COMMD1: variants seen among roughly 807,000 people sequenced by gnomAD.
COMMD1 encodes copper metabolism domain containing 1.
In COMMD1, 10 loss-of-function variants were observed where a neutral mutation model predicts 17.2. The ratio of observed to expected loss-of-function variants is 0.58; its 90% confidence interval spans 0.36 to 0.99. COMMD1 has a LOEUF of 0.99. COMMD1 is among the 50% of genes least tolerant of loss of function. The pLI is 0.01. For missense variants in COMMD1, 270 were observed against 231.8 expected (o/e 1.17, Z -1.07); for synonymous variants, 97 against 91.6 (o/e 1.06, Z -0.34).
At chr2:61,987,489 A>G (rs879644976) in intron 1 of COMMD1, among the ~76,000 whole-genome samples, 3 of 152,126 alleles carry the variant, frequency 2.0e-5, no homozygotes, top group East Asian at 1.9e-4. Flanking sequence ...AATTCTTTCT[A>G]TTGCCAGGCA....
chr2:61,905,962 T>G, intron 1 of COMMD1, 104 bp downstream of exon 1: 2 of 1,193,100 alleles, frequency 1.7e-6, no homozygotes, highest in Non-Finnish European at 2.5e-6. Flanking sequence ...GCCGAAAGGC[T>G]TTTCCCTCTC....
At chr2:62,133,767 C>A (rs1006140100) in intron 2 of COMMD1, among the ~76,000 whole-genome samples, 1 of 151,966 alleles carries the variant, frequency 6.6e-6, no homozygotes, top group Non-Finnish European at 1.5e-5. Flanking sequence ...ATGGTGTCAG[C>A]TTTCCATCTT....
In COMMD1 at chr2:61,979,711, C is replaced by T. The variant is rs183902252; in HGVS notation, c.181-20990C>T. Among the ~76,000 whole-genome samples, 7 of 152,116 alleles carry T rather than the reference C, an allele frequency of 4.6e-5. 1 individual carries two copies. Among genetic ancestry groups the T allele is most frequent in the Middle Eastern group, 3.4e-3 (1 of 294 alleles). On this transcript the variant is annotated intron_variant, in intron 1 of 2. Coordinates refer to ENST00000311832, the MANE Select transcript of COMMD1 (RefSeq NM_152516.4). ...GGTTCCCTTTTCTCTGTATCCTCAC[C>T]AGAATTTGTTATTGCCTGTCTTTTG...
At chr2:61,918,860 C>G (rs1470441138) in intron 1 of COMMD1, among the ~76,000 whole-genome samples, 4 of 152,072 alleles carry the variant, frequency 2.6e-5, no homozygotes, top group Non-Finnish European at 5.9e-5. Flanking sequence ...ATTTTTAGCT[C>G]TATCTTAATG....
chr2:62,087,366 A>G (rs1424423270), intron 2 of COMMD1, among the ~76,000 whole-genome samples: 7 of 152,230 alleles, frequency 4.6e-5, no homozygotes, highest in African/African-American at 1.7e-4. Flanking sequence ...TCATATTAGA[A>G]AACTCTACTT....
At chr2:61,905,607 G>T, upstream of COMMD1, 2 of 1,421,698 alleles carry the variant, frequency 1.4e-6, no homozygotes, top group Admixed American at 2.4e-5. Context: ...TTTTGCACAG[G>T]CTATTTAGGC....
intron 2 of COMMD1, among the ~76,000 whole-genome samples, chr2:62,026,559 A>G (rs1392652820): frequency 6.6e-6 from 1 of 152,128 alleles, no homozygotes; most frequent in Non-Finnish European, 1.5e-5. Flanking sequence ...CAAATACCCA[A>G]ACTATATCAC....
At chr2:61,951,524 T>C (rs1671053588) in intron 1 of COMMD1, among the ~76,000 whole-genome samples, 1 of 152,218 alleles carries the variant, frequency 6.6e-6, no homozygotes, top group East Asian at 1.9e-4. Context: ...AAATAATCTT[T>C]ATTCCAACTC....
At chr2:61,937,751 AC>A (rs1670639967) in intron 1 of COMMD1, among the ~76,000 whole-genome samples, 1 of 152,162 alleles carries the variant, frequency 6.6e-6, no homozygotes, top group South Asian at 2.1e-4. Flanking sequence ...TACAAAACAT[AC>A]CCGTTCTGAA....
At chr2:61,917,198 A>G (rs1222427795) in intron 1 of COMMD1, among the ~76,000 whole-genome samples, 3 of 151,954 alleles carry the variant, frequency 2.0e-5, no homozygotes, top group East Asian at 3.9e-4. Flanking sequence ...TGCTAAGACT[A>G]CAAAAAAAAT....
At chr2:61,988,085 G>T (rs963870750) in intron 1 of COMMD1, among the ~76,000 whole-genome samples, 10 of 152,162 alleles carry the variant, frequency 6.6e-5, no homozygotes, top group African/African-American at 2.4e-4. Flanking sequence ...GGCCAGGATA[G>T]GTCCAAAAAT....
chr2:61,962,287 G>A (rs1338025772), intron 1 of COMMD1, among the ~76,000 whole-genome samples: 1 of 152,170 alleles, frequency 6.6e-6, no homozygotes, highest in Non-Finnish European at 1.5e-5. Flanking sequence ...AATAAAGAAT[G>A]TGGTTGGCCT....
intron 2 of COMMD1, among the ~76,000 whole-genome samples, chr2:62,043,427 A>T (rs897849181): frequency 6.6e-6 from 1 of 152,074 alleles, no homozygotes; most frequent in Non-Finnish European, 1.5e-5. Flanking sequence ...AAAGTCTTTA[A>T]ATTTTTGTTG....
chr2:62,013,140 T>C (rs910013696), intron 2 of COMMD1, among the ~76,000 whole-genome samples: 1 of 152,110 alleles, frequency 6.6e-6, no homozygotes, highest in Non-Finnish European at 1.5e-5. Context: ...AGTACTGGGA[T>C]ACTGAGATCC....
At chr2:61,913,796 CAAAAAAAAAAA>C (rs1164297104) in intron 1 of COMMD1, among the ~76,000 whole-genome samples, 5 of 14,504 alleles carry the variant, frequency 3.4e-4, no homozygotes, top group African/African-American at 1.7e-3. Flanking sequence ...ACTCCATCTC[CAAAAAAAAAAA>C]AAAAAAAAAA....
In COMMD1 at chr2:62,027,692, G is replaced by A. The variant is rs1411470144; in HGVS notation, c.462+26710G>A. Among the ~76,000 whole-genome samples the A allele has an allele frequency of 2.7e-5, 4 of 150,244 alleles. No individual in the cohort carries two copies. In the East Asian group the frequency reaches 6.0e-4, roughly 23 times the overall value. Reference sequence around the variant, plus strand: ...TTATGTTATGTTATGTTATTTTTTTGAGACAAGGTCTCGCTCTGTCACCCA... The same window carrying A: ...TTATGTTATGTTATGTTATTTTTTTAAGACAAGGTCTCGCTCTGTCACCCA... On this transcript the variant is annotated intron_variant, in intron 2 of 2. Coordinates refer to ENST00000311832, the MANE Select transcript of COMMD1 (RefSeq NM_152516.4).
chr2:61,900,937 T>C (rs772180043), upstream of COMMD1, among the ~76,000 whole-genome samples: 3 of 152,156 alleles, frequency 2.0e-5, no homozygotes, highest in Non-Finnish European at 2.9e-5. Flanking sequence ...AATTTTAAAT[T>C]AAAACACTTT....
chr2:61,998,246 CTTTTTT>C (rs71410912), intron 1 of COMMD1, among the ~76,000 whole-genome samples: 1 of 126,482 alleles, frequency 7.9e-6, no homozygotes. Flanking sequence ...GTTGTGCTTT[CTTTTTT>C]TTTTTTTTTT....
intron 1 of COMMD1, among the ~76,000 whole-genome samples, chr2:61,975,531 T>C (rs1217306558): frequency 1.3e-5 from 2 of 152,184 alleles, no homozygotes; most frequent in Non-Finnish European, 2.9e-5. Context: ...TGTCAACATT[T>C]GGTGTTGCTT....
Sources: gnomAD v4.1 joint callset for allele counts (sites outside exome capture counted in the v4.1 genomes callset) on GRCh38, gnomAD v4.1.1 for gene constraint, MANE v1.5 for transcripts, NCBI Gene and HGNC (gene_info 2026-07-23, HGNC 2026-07-21) for gene names.